The following ROBO2 variants were observed in gnomAD, a reference collection of about 807,000 sequenced individuals.
ROBO2 encodes the protein roundabout guidance receptor 2, also known as roundabout homolog 2.
Under a neutral mutation model 160.8 loss-of-function variants are expected in ROBO2, and 53 were observed. The ratio of observed to expected loss-of-function variants is 0.33; its 90% CI spans 0.26 to 0.41. The LOEUF (loss-of-function observed/expected upper bound fraction) is 0.41. Among genes scored for constraint, ROBO2 ranks in the 10% least tolerant of loss-of-function variants. ROBO2 has a pLI of 1.00. For missense variants in ROBO2, 1,577 were observed against 1,722.4 expected (o/e 0.92, Z 1.49); for synonymous variants, 664 against 611.7 (o/e 1.09, Z -1.26).
At chr3:76,974,301 C>T (rs2059710277) in intron 2 of ROBO2, among the ~76,000 whole-genome samples, 1 of 152,074 alleles carries the variant, frequency 6.6e-6, no homozygotes, top group Non-Finnish European at 1.5e-5. Context: ...TAATCCCCCC[C>T]TTTTTCTTAT....
intron 2 of ROBO2, among the ~76,000 whole-genome samples, chr3:76,751,043 C>G (rs538778579): frequency 1.4e-3 from 218 of 152,206 alleles, no homozygotes; most frequent in African/African-American, 4.8e-3. Context: ...TGACTTCAAA[C>G]TATACTACAA....
chr3:76,094,622 CATTG>C (rs1171721442), intron 2 of ROBO2, among the ~76,000 whole-genome samples: 2 of 152,180 alleles, frequency 1.3e-5, no homozygotes, highest in African/African-American at 4.8e-5. Flanking sequence ...ATAGTAACCC[CATTG>C]TTTCTTTGAA....
intron 2 of ROBO2, among the ~76,000 whole-genome samples, chr3:76,263,686 G>C (rs1706912317): frequency 3.3e-5 from 5 of 152,108 alleles, no homozygotes; most frequent in Admixed American, 2.0e-4. Flanking sequence ...GACAATTCAT[G>C]ATAAAGCACT....
intron 2 of ROBO2, among the ~76,000 whole-genome samples, chr3:77,291,164 G>A (rs1194533710): frequency 6.6e-6 from 1 of 151,266 alleles, no homozygotes; most frequent in East Asian, 1.9e-4. Flanking sequence ...GGAAGTTGAG[G>A]CTAGAACAGT....
At chr3:76,899,178 G>A (rs1327058445) in intron 2 of ROBO2, among the ~76,000 whole-genome samples, 2 of 152,010 alleles carry the variant, frequency 1.3e-5, no homozygotes, top group Non-Finnish European at 2.9e-5. Flanking sequence ...TCAAGGTAAT[G>A]GGGGAAGTTT....
At chr3:76,501,552 A>G (rs930177563) in intron 2 of ROBO2, among the ~76,000 whole-genome samples, 2 of 152,212 alleles carry the variant, frequency 1.3e-5, no homozygotes, top group Non-Finnish European at 2.9e-5. Context: ...GTAGCAGACA[A>G]AATGGCCTAA....
At chr3:76,532,425 G>A (rs1047464373) in intron 2 of ROBO2, among the ~76,000 whole-genome samples, 2 of 152,090 alleles carry the variant, frequency 1.3e-5, no homozygotes, top group African/African-American at 4.8e-5. Flanking sequence ...CAAGTCCTTT[G>A]TTTCAAATAT....
intron 2 of ROBO2, among the ~76,000 whole-genome samples, chr3:76,485,002 T>C (rs62261564): frequency 0.037 from 5,699 of 152,170 alleles, 179 homozygotes; most frequent in South Asian, 0.14. Flanking sequence ...TTAAGCTAAG[T>C]TAATACTGTA....
At chr3:76,547,681 A>G (rs1447316421) in intron 2 of ROBO2, among the ~76,000 whole-genome samples, 1 of 152,122 alleles carries the variant, frequency 6.6e-6, no homozygotes, top group Non-Finnish European at 1.5e-5. Context: ...AATTACCTCT[A>G]TGCTAGCACT....
At chr3:75,956,654 A>G (rs1289038375) in intron 2 of ROBO2, among the ~76,000 whole-genome samples, 2 of 151,700 alleles carry the variant, frequency 1.3e-5, no homozygotes, top group Admixed American at 1.3e-4. Flanking sequence ...GTTGTTGTTA[A>G]TATTGCTGGT....
chr3:77,080,318 A>C (rs560986095), intron 1 of ROBO2, among the ~76,000 whole-genome samples: 2 of 152,210 alleles, frequency 1.3e-5, no homozygotes, highest in African/African-American at 4.8e-5. Flanking sequence ...TAATTTTGAG[A>C]GCAAATTTAC....
chr3:76,692,005 G>T (rs1438681068), intron 2 of ROBO2, among the ~76,000 whole-genome samples: 1 of 152,130 alleles, frequency 6.6e-6, no homozygotes, highest in Non-Finnish European at 1.5e-5. Context: ...TGTGTGTGTA[G>T]GAGCTCATTA....
At chr3:76,865,115 G>A (rs1045605689) in intron 2 of ROBO2, among the ~76,000 whole-genome samples, 9 of 151,726 alleles carry the variant, frequency 5.9e-5, no homozygotes, top group Non-Finnish European at 1.5e-5. Context: ...TTTCCATGCT[G>A]TGTATTTCTT....
exon 14 of ROBO2, chr3:77,574,564 G>C: frequency 6.2e-7 from 1 of 1,613,488 alleles, no homozygotes; most frequent in Non-Finnish European, 8.5e-7. Context: ...CAGGTCTGCA[G>C]GCGACATCTT....
intron 2 of ROBO2, among the ~76,000 whole-genome samples, chr3:76,175,893 A>C (rs2073212089): frequency 6.6e-6 from 1 of 152,094 alleles, no homozygotes; most frequent in South Asian, 2.1e-4. Flanking sequence ...CATCCTATGT[A>C]GTTTTTCTTT....
At chr3:76,225,773 A>G (rs1445626397) in intron 2 of ROBO2, among the ~76,000 whole-genome samples, 4 of 152,188 alleles carry the variant, frequency 2.6e-5, no homozygotes, top group Admixed American at 1.3e-4. Context: ...GTTAAAAAGA[A>G]GGAAAGTTAT....
At chr3:76,505,012 T>C (rs938188739) in intron 2 of ROBO2, among the ~76,000 whole-genome samples, 1 of 152,152 alleles carries the variant, frequency 6.6e-6, no homozygotes, top group Admixed American at 6.5e-5. Context: ...TATTTTTGTA[T>C]GTGGTAAATG....
At chr3:76,232,291 G>A (rs142995487) in intron 2 of ROBO2, among the ~76,000 whole-genome samples, 2 of 152,154 alleles carry the variant, frequency 1.3e-5, no homozygotes, top group African/African-American at 2.4e-5. Context: ...GAGAAGAAAA[G>A]ACTAGAACTA....
chr3:76,585,373 T>C lies in ROBO2; in HGVS notation c.110-512641T>C, dbSNP rs373147319. On this transcript the variant is annotated intron_variant, in intron 2 of 26. Transcript: ENST00000487694. ...TTTCATGTTAGCTCACTAAAAATTT[T>C]CCCAGACAATTCATCACAATGTGAA... 2.2e-3 allele frequency among the ~76,000 whole-genome samples: 332 copies of C among 152,346 alleles called. 1 individual carries two copies. Among genetic ancestry groups the C allele is most frequent in the African/African-American group, 7.3e-3 (302 of 41,586 alleles).
Sources: gnomAD v4.1 joint callset for allele counts (sites outside exome capture counted in the v4.1 genomes callset) on GRCh38, gnomAD v4.1.1 for gene constraint, MANE v1.5 for transcripts, NCBI Gene and HGNC (gene_info 2026-07-23, HGNC 2026-07-21) for gene names.